The following PPP1R9A variants were observed in gnomAD, a reference collection of about 807,000 sequenced individuals.
PPP1R9A encodes neurabin-1.
A neutral mutation model predicts 141.9 loss-of-function variants in PPP1R9A; 59 were observed. The ratio of observed to expected loss-of-function variants is 0.42; its 90% CI spans 0.34 to 0.52. The LOEUF is 0.52. Among genes scored for constraint, PPP1R9A ranks in the 20% least tolerant of loss-of-function variants. The pLI is 0.10. For synonymous variants in PPP1R9A, 500 were observed against 569.7 expected (o/e 0.88, Z 1.74); for missense variants, 1,444 against 1,611.9 (o/e 0.90, Z 1.78).
intron 2 of PPP1R9A, among the ~76,000 whole-genome samples, chr7:94,956,957 T>C (rs551062641): frequency 6.6e-6 from 1 of 152,290 alleles, no homozygotes; most frequent in Admixed American, 6.5e-5. Flanking sequence ...TATCCAGATA[T>C]AAATGTACGT....
At chr7:95,003,927 T>C (rs1020896843) in intron 2 of PPP1R9A, among the ~76,000 whole-genome samples, 66 of 152,178 alleles carry the variant, frequency 4.3e-4, no homozygotes, top group Admixed American at 1.3e-3. Context: ...TCTGTACTTA[T>C]TCTAAAAGAT....
At chr7:95,255,991 A>G (rs898135376) in intron 12 of PPP1R9A, among the ~76,000 whole-genome samples, 2 of 152,116 alleles carry the variant, frequency 1.3e-5, no homozygotes, top group African/African-American at 4.8e-5. Flanking sequence ...GCTTCATTTC[A>G]TTTTCACACC....
At chr7:95,005,959 G>A (rs1191125382) in intron 2 of PPP1R9A, among the ~76,000 whole-genome samples, 1 of 151,898 alleles carries the variant, frequency 6.6e-6, no homozygotes, top group African/African-American at 2.4e-5. Context: ...GAAGTGGAAA[G>A]TATCTTAGAA....
chr7:95,291,168 T>C lies in PPP1R9A; in HGVS notation c.*865T>C, dbSNP rs854541. The stretch of plus-strand genomic sequence containing the variant: ...AACACAACACAGTTCCTCTTCCCCC[T>C]ACCTAACCCAAGAAATTGAACAGGA... On this transcript the variant is annotated 3_prime_UTR_variant, in exon 20 of 20. Transcript: ENST00000433360. 84,628 of 151,952 alleles carry C rather than the reference T, an allele frequency of 0.56. 24,112 individuals are homozygous for C. Among genetic ancestry groups the C allele is most frequent in the Middle Eastern group, 0.69 (202 of 294 alleles). The allele number at this position is 151,952 out of a possible 1,614,324, so 9.4% of individuals were successfully genotyped here.
intron 5 of PPP1R9A, among the ~76,000 whole-genome samples, chr7:95,162,285 T>C (rs1284513659): frequency 6.6e-6 from 1 of 152,170 alleles, no homozygotes; most frequent in African/African-American, 2.4e-5. Context: ...TCCCAAATCT[T>C]TTTAAGGAAA....
chr7:94,997,227 T>C (rs2151483430), intron 2 of PPP1R9A, among the ~76,000 whole-genome samples: 1 of 152,274 alleles, frequency 6.6e-6, no homozygotes, highest in East Asian at 1.9e-4. Flanking sequence ...ATTTTAACAT[T>C]TCCATGGTCT....
intron 2 of PPP1R9A, among the ~76,000 whole-genome samples, chr7:94,935,640 G>A (rs188461444): frequency 1.1e-4 from 16 of 152,210 alleles, no homozygotes; most frequent in Non-Finnish European, 1.6e-4. Flanking sequence ...TTTGAATTGC[G>A]TTTCATAAGT....
intron 4 of PPP1R9A, among the ~76,000 whole-genome samples, chr7:95,158,110 T>C (rs114272062): frequency 1.3e-5 from 2 of 152,166 alleles, no homozygotes; most frequent in Non-Finnish European, 2.9e-5. Context: ...GTAGCATTGA[T>C]GCAAGGATAA....
chr7:94,933,505 A>G (rs574359287), intron 2 of PPP1R9A, among the ~76,000 whole-genome samples: 1 of 152,282 alleles, frequency 6.6e-6, no homozygotes, highest in East Asian at 1.9e-4. Context: ...CAGTGTGATT[A>G]ACACTGTGAA....
At chr7:94,954,275 T>C (rs937949301) in intron 2 of PPP1R9A, among the ~76,000 whole-genome samples, 6 of 152,198 alleles carry the variant, frequency 3.9e-5, no homozygotes, top group Admixed American at 6.5e-5. Context: ...TTCTATTGTT[T>C]ACTCCTTTGG....
Position 95,268,614 on chromosome 7 carries a change from G to A in PPP1R9A, c.2730G>A (p.Gln910=), listed in dbSNP as rs780656009. Residue 910 remains glutamine (Q), a synonymous_variant, in exon 13 of 20, where the codon CAG becomes CAA. Coordinates refer to ENST00000433360, the MANE Select transcript of PPP1R9A (RefSeq NM_001166160.2). ...CAAAAGCACTGAAAACTCGAGCCCA[G>A]CTCTCTGTGAAGAACAGACGCCAGA... ...LDSKALKTRA[Q]LSVKNRRQRP... 1.9e-6 allele frequency: 3 copies of A among 1,613,372 alleles called. No individual in the cohort carries two copies. The highest frequency in any genetic ancestry group is 1.7e-5 in the Admixed American group (1 of 59,930).
chr7:95,055,237 C>G (rs1225443038), intron 2 of PPP1R9A, among the ~76,000 whole-genome samples: 2 of 150,978 alleles, frequency 1.3e-5, no homozygotes, highest in African/African-American at 5.0e-5. Flanking sequence ...ATATATTTTC[C>G]ATTCCTCTCC....
At chr7:95,148,995 T>C (rs1397089500) in intron 4 of PPP1R9A, among the ~76,000 whole-genome samples, 1 of 151,676 alleles carries the variant, frequency 6.6e-6, no homozygotes, top group Non-Finnish European at 1.5e-5. Flanking sequence ...CAAATATATA[T>C]CAGTAAAATA....
chr7:94,976,410 C>T (rs1309305328), intron 2 of PPP1R9A, among the ~76,000 whole-genome samples: 20 of 144,244 alleles, frequency 1.4e-4, no homozygotes, highest in African/African-American at 4.9e-4. Flanking sequence ...GGTGTGATCT[C>T]GGCCCACTGC....
At chr7:94,964,166 C>A (rs1164473210) in intron 2 of PPP1R9A, among the ~76,000 whole-genome samples, 1 of 151,994 alleles carries the variant, frequency 6.6e-6, no homozygotes, top group Non-Finnish European at 1.5e-5. Flanking sequence ...CCAAACTGTA[C>A]CATATTTTAT....
At chr7:95,060,647 A>G (rs985794710) in intron 2 of PPP1R9A, among the ~76,000 whole-genome samples, 6 of 152,192 alleles carry the variant, frequency 3.9e-5, no homozygotes, top group Non-Finnish European at 7.4e-5. Flanking sequence ...ATAAGTTACA[A>G]CTGGATTTAG....
chr7:94,970,504 C>T (rs1016838867), intron 2 of PPP1R9A, among the ~76,000 whole-genome samples: 16 of 152,134 alleles, frequency 1.1e-4, no homozygotes, highest in Non-Finnish European at 2.2e-4. Flanking sequence ...TGTACCCACT[C>T]TCTAACCAGT....
At chr7:94,948,345 G>A (rs866177674) in intron 2 of PPP1R9A, among the ~76,000 whole-genome samples, 1 of 151,988 alleles carries the variant, frequency 6.6e-6, no homozygotes, top group Non-Finnish European at 1.5e-5. Context: ...ACCATAATGG[G>A]GTGGTTTTGT....
chr7:95,066,895 T>A (rs1349642640), intron 2 of PPP1R9A, among the ~76,000 whole-genome samples: 1 of 152,180 alleles, frequency 6.6e-6, no homozygotes, highest in Non-Finnish European at 1.5e-5. Flanking sequence ...CACCAAGACA[T>A]GTCATTTAGA....
Sources: allele counts gnomAD v4.1 joint callset (sites outside exome capture counted in the v4.1 genomes callset), GRCh38; gene constraint gnomAD v4.1.1; transcripts MANE v1.5; gene names NCBI Gene and HGNC (gene_info 2026-07-23, HGNC 2026-07-21).